ALDH1A1: variants seen among roughly 807,000 people sequenced by gnomAD.
ALDH1A1 encodes the protein aldehyde dehydrogenase 1 family member A1, also known as aldehyde dehydrogenase 1A1.
ALDH1A1 carries 19 observed loss-of-function variants against 62.1 expected under a neutral mutation model. The ratio of observed to expected loss-of-function variants is 0.31; its 90% CI spans 0.21 to 0.45. The LOEUF is 0.45. Ranked by LOEUF, ALDH1A1 falls within the 20% of genes least tolerant of loss-of-function variation. The pLI, the probability that ALDH1A1 is intolerant of heterozygous loss-of-function variation, is 1.00. For synonymous variants in ALDH1A1, 231 were observed against 215.9 expected (o/e 1.07, Z -0.61); for missense variants, 521 against 607.1 (o/e 0.86, Z 1.49).
At chr9:72,925,737 G>T in intron 5 of ALDH1A1, 125 bp from the exon 6 acceptor site, 2 of 1,101,274 alleles carry the variant, frequency 1.8e-6, no homozygotes, top group Non-Finnish European at 2.5e-6. Flanking sequence ...GAAATCATCT[G>T]GCATATTATA....
At chr9:72,942,874 T>C (rs1830432838) in intron 1 of ALDH1A1, among the ~76,000 whole-genome samples, 2 of 152,150 alleles carry the variant, frequency 1.3e-5, no homozygotes, top group Non-Finnish European at 2.9e-5. Flanking sequence ...TTAATCTCTT[T>C]TTTCTTCTTT....
intron 3 of ALDH1A1, among the ~76,000 whole-genome samples, chr9:72,929,296 G>C (rs1830250713): frequency 6.6e-6 from 1 of 151,942 alleles, no homozygotes; most frequent in Non-Finnish European, 1.5e-5. Context: ...TCTAGGAATC[G>C]GTCACAATTT....
At chr9:72,920,909 T>A (rs1489128421) in intron 7 of ALDH1A1, among the ~76,000 whole-genome samples, 1 of 152,182 alleles carries the variant, frequency 6.6e-6, no homozygotes, top group Non-Finnish European at 1.5e-5. Context: ...ATGAAAATGG[T>A]CTAGCTTATT....
At position 72,924,128 on chromosome 9, in the gene ALDH1A1, C is replaced by A; in HGVS notation, c.638G>T (p.Gly213Val). The stretch of plus-strand genomic sequence containing the variant: ...AATATTCACTACTCCAGGAGGAAAC[C>A]CTGCCTAAAAGATAAAAAGTTTAAA... ...LHVASLIKEA[G>V]FPPGVVNIVP... The change falls in exon 7 of 13, where the codon GGG (glycine) becomes GTG (valine). Residue 213 changes from glycine (G) to valine (V), a missense_variant. By Grantham distance (109) the Gly-to-Val change is moderately radical (BLOSUM62 -3). Transcript: ENST00000297785. 2 of 1,598,140 alleles carry A rather than the reference C, an allele frequency of 1.3e-6. No individual in the cohort carries two copies. Among genetic ancestry groups the A allele is most frequent in the East Asian group, 2.2e-5 (1 of 44,476 alleles).
intron 3 of ALDH1A1, 50 bp from the exon 4 acceptor site, chr9:72,929,071 A>G (rs1011294836): frequency 5.7e-6 from 9 of 1,573,340 alleles, no homozygotes; most frequent in Non-Finnish European, 7.8e-6. Context: ...GTTTTAGATT[A>G]AAAATATGTA....
intron 1 of ALDH1A1, chr9:72,942,437 T>G: frequency 3.8e-5 from 33 of 877,742 alleles, no homozygotes; most frequent in East Asian, 1.2e-4. Flanking sequence ...AATCCCTAGG[T>G]ACCCTTTTGT....
At position 72,923,942 on chromosome 9, in the gene ALDH1A1, A is replaced by G. The variant is rs373864939; in HGVS notation, c.747+77T>C. On this transcript the variant is annotated intron_variant, in intron 7 of 12. Transcript: ENST00000297785. The stretch of plus-strand genomic sequence containing the variant: ...TTTTTGTTTTAAAATTGTTGGCTCA[A>G]AAATAGTTACATAAAACATACTTCA... 26 of 1,025,708 alleles carry G rather than the reference A, an allele frequency of 2.5e-5. No individual in the cohort carries two copies. In the African/African-American group the frequency reaches 4.0e-4, roughly 16 times the overall value. 63.5% of individuals were successfully genotyped at this position (1,025,708 alleles called of 1,614,324 possible).
intron 11 of ALDH1A1, among the ~76,000 whole-genome samples, chr9:72,907,665 C>G (rs1394234925): frequency 1.3e-5 from 2 of 152,158 alleles, no homozygotes; most frequent in African/African-American, 2.4e-5. Context: ...AAAATGTTAT[C>G]TGTCTTCTGC....
In ALDH1A1 at chr9:72,940,183, C is replaced by T. The variant is rs1830399473; in HGVS notation, c.136G>A (p.Glu46Lys). ...TCTTCTACCTGGCAGAGCTCCTCCT[C>T]AGTTGCAGGATTAAAGACAGGAAAT... is the stretch of plus-strand genomic sequence containing the variant. Reference protein sequence around the residue: ...KKFPVFNPATEEELCQVEEGD... With the variant: ...KKFPVFNPATKEELCQVEEGD... Residue 46 changes from glutamate to lysine, a missense_variant, in exon 2 of 13, where the codon GAG becomes AAG. Glu to Lys is a moderately conservative substitution (Grantham distance 56). Transcript: ENST00000297785. The T allele has an allele frequency of 1.2e-6, 2 of 1,613,528 alleles. No individual in the cohort carries two copies. Among genetic ancestry groups the T allele is most frequent in the Non-Finnish European group, 1.7e-6 (2 of 1,179,696 alleles).
At chr9:72,928,410 C>T (rs1224985271) in intron 4 of ALDH1A1, among the ~76,000 whole-genome samples, 1 of 152,210 alleles carries the variant, frequency 6.6e-6, no homozygotes, top group African/African-American at 2.4e-5. Context: ...TCCGTGTGAA[C>T]TGGCTTGTTT....
In ALDH1A1 at chr9:72,945,159, T is replaced by A. The variant is rs146336531; in HGVS notation, c.67-4907A>T. Among the ~76,000 whole-genome samples the A allele has an allele frequency of 9.7e-3, 1,484 of 152,214 alleles. 14 individuals carry two copies. The highest frequency in any genetic ancestry group is 0.017 in the Middle Eastern group (5 of 294). On this transcript the variant is annotated intron_variant, in intron 1 of 12. Transcript: ENST00000297785. ...ATCTACAGTTCTAAATAAATAAGCATAATTTTCTCAAAATATTTCTGGCTT... is the reference window on the plus strand; with the variant it reads ...ATCTACAGTTCTAAATAAATAAGCAAAATTTTCTCAAAATATTTCTGGCTT...
At chr9:72,934,635 A>G (rs1006315088) in intron 2 of ALDH1A1, among the ~76,000 whole-genome samples, 4 of 152,178 alleles carry the variant, frequency 2.6e-5, no homozygotes, top group African/African-American at 9.7e-5. Context: ...AATCCTATAT[A>G]TACTTTAAGA....
At chr9:72,909,470 T>G (rs1829952242) in intron 11 of ALDH1A1, 132 bp downstream of exon 11, 1 of 913,004 alleles carries the variant, frequency 1.1e-6, no homozygotes, top group East Asian at 2.9e-5. Flanking sequence ...TTGTTTGTTT[T>G]TCAAGGCAGC....
At position 72,905,839 on chromosome 9, in the gene ALDH1A1, A is replaced by G. The variant is rs1829871566; in HGVS notation, c.1433+119T>C. On this transcript the variant is annotated intron_variant, in intron 12 of 12. Transcript: ENST00000297785. Reference sequence around the variant, plus strand: ...TTTAATAAGCTATTTGGTGCTATGAATCTCCAGGAAAGAACAGAGGCAGGT... The same window carrying G: ...TTTAATAAGCTATTTGGTGCTATGAGTCTCCAGGAAAGAACAGAGGCAGGT... 5.3e-6 allele frequency: 4 copies of G among 754,030 alleles called. No individual in the cohort carries two copies. The South Asian group carries it at 8.7e-5, about 16-fold the overall frequency. 46.7% of individuals were successfully genotyped at this position (754,030 alleles called of 1,614,324 possible).
intron 6 of ALDH1A1, 115 bp downstream of exon 6, chr9:72,925,369 A>T: frequency 2.4e-6 from 3 of 1,229,306 alleles, no homozygotes; most frequent in Non-Finnish European, 2.2e-6. Context: ...TATTCCCCCC[A>T]CTGGACAGGA....
chr9:72,948,367 T>C (rs1196199792), intron 1 of ALDH1A1, among the ~76,000 whole-genome samples: 1 of 151,978 alleles, frequency 6.6e-6, no homozygotes, highest in Non-Finnish European at 1.5e-5. Context: ...CACCTCTCAG[T>C]GATCTTCCTC....
chr9:72,906,469 T>C (rs981508169), intron 11 of ALDH1A1, among the ~76,000 whole-genome samples: 9 of 152,328 alleles, frequency 5.9e-5, no homozygotes, highest in South Asian at 2.1e-4. Flanking sequence ...GCAATTGTAA[T>C]ATGTATCATA....
chr9:72,911,069 T>G (rs769357289), intron 10 of ALDH1A1, among the ~76,000 whole-genome samples: 6 of 152,184 alleles, frequency 3.9e-5, no homozygotes, highest in Non-Finnish European at 8.8e-5. Context: ...CAGCTCATTT[T>G]TTTTCTAATT....
At chr9:72,911,132 T>C (rs1293514511) in intron 10 of ALDH1A1, among the ~76,000 whole-genome samples, 1 of 152,114 alleles carries the variant, frequency 6.6e-6, no homozygotes, top group Non-Finnish European at 1.5e-5. Context: ...TATATACACA[T>C]TATATATGTA....
Sources: allele counts gnomAD v4.1 joint callset (sites outside exome capture counted in the v4.1 genomes callset), GRCh38; gene constraint gnomAD v4.1.1; transcripts MANE v1.5; gene names NCBI Gene and HGNC (gene_info 2026-07-23, HGNC 2026-07-21).